The following TRPM4 variants were observed in gnomAD, a reference collection of about 807,000 sequenced individuals.
The protein encoded by TRPM4 is transient receptor potential cation channel subfamily M member 4.
A neutral mutation model predicts 135.6 loss-of-function variants in TRPM4; 124 were observed. That is an observed-to-expected ratio of 0.91 (90% CI 0.79 to 1.06). The LOEUF (loss-of-function observed/expected upper bound fraction) is 1.06, where lower values mean the gene tolerates loss of function less well. Among genes scored for constraint, TRPM4 ranks in the 50% least tolerant of loss-of-function variants. The pLI is 0.00. For synonymous variants in TRPM4, 745 were observed against 705.6 expected (o/e 1.06, Z -0.88); for missense variants, 1,658 against 1,671.4 (o/e 0.99, Z 0.14).
chr19:49,171,935 C>T lies in TRPM4; in HGVS notation c.1051-74C>T, dbSNP rs968154376. ...GGTCCTGGAGGGGAATGGCCTCCTC[C>T]ATCCCTTTGGACAGGGCCCAACAGG... is the stretch of plus-strand genomic sequence containing the variant. On this transcript the variant is annotated intron_variant, in intron 8 of 24. Transcript: ENST00000252826. This position sits in a 1 kb window ranked among gnomAD's most constrained non-coding sequence, Gnocchi z 4.7. The T allele has an allele frequency of 2.5e-5, 35 of 1,425,372 alleles. No homozygotes were observed. Among genetic ancestry groups the T allele is most frequent in the African/African-American group, 5.6e-5 (4 of 70,980 alleles). The allele number at this position is 1,425,372 out of a possible 1,614,324, so 88.3% of individuals were successfully genotyped here. A position where few individuals can be genotyped will look rare whatever the true frequency, so the allele number is the denominator to read the frequency against.
rs761801567 is a variant in TRPM4, at chr19:49,211,510, G to C, written c.*12G>C. The C allele has an allele frequency of 6.2e-7, 1 of 1,613,960 alleles. No homozygotes were observed. The highest frequency in any genetic ancestry group is 2.2e-5 in the East Asian group (1 of 44,876). ...TTCCCCCAGACTGAGCCCTGCTGGC[G>C]GACTTCAAGGAGAAGCCCCCACAGG... On this transcript the variant is annotated 3_prime_UTR_variant, in exon 25 of 25. Coordinates refer to ENST00000252826, the MANE Select transcript of TRPM4 (RefSeq NM_017636.4). This position sits in a 1 kb window ranked among gnomAD's most constrained non-coding sequence, Gnocchi z 4.8.
rs1472609688 is a variant in TRPM4 at position 49,196,812 on chromosome 19, C to G, written c.2583C>G (p.Ala861=). The G allele has an allele frequency of 1.3e-6, 2 of 1,588,662 alleles. No individual in the cohort carries two copies. The highest frequency in any genetic ancestry group is 1.7e-4 in the Middle Eastern group (1 of 5,766). The change falls in exon 17 of 25, where the codon GCC becomes GCG. Residue 861 remains alanine (A), a synonymous_variant. Transcript: ENST00000252826. ...SLSQRLRLYL[A]DSWNQCDLVA... The stretch of plus-strand genomic sequence containing the variant: ...GCCAGCGCCTGCGCCTCTACCTCGC[C>G]GACAGCTGGAACCAGTGCGACCTAG...
chr19:49,211,450 C>T lies in TRPM4; in HGVS notation c.3641-44C>T, dbSNP rs201501124. 646 of 1,613,640 alleles carry T rather than the reference C, an allele frequency of 4.0e-4. No homozygotes were observed. Among genetic ancestry groups the T allele is most frequent in the Non-Finnish European group, 5.0e-4 (588 of 1,180,018 alleles). ...GTCTCCCAGTTTTTCTGTCTCTCCC[C>T]TTCCCTGCCAATCACCTGCTCTCTC... On this transcript the variant is annotated intron_variant, in intron 24 of 24. Coordinates refer to ENST00000252826, the MANE Select transcript of TRPM4 (RefSeq NM_017636.4). This position sits in a 1 kb window ranked among gnomAD's most constrained non-coding sequence, Gnocchi z 4.8.
Position 49,211,142 on chromosome 19 carries a change from TG to T in TRPM4, c.3535-21del, listed in dbSNP as rs1225859501. On this transcript the variant is annotated intron_variant, in intron 23 of 24. Transcript: ENST00000252826. This position sits in a 1 kb window ranked among gnomAD's most constrained non-coding sequence, Gnocchi z 4.8. Reference sequence around the variant, plus strand: ...GTGGCAGGGGTCCCATCTCCCGCTCTGACATTCCTCCCATTCCGCAGGTCCA... The same window carrying T: ...GTGGCAGGGGTCCCATCTCCCGCTCTACATTCCTCCCATTCCGCAGGTCCA... 1 of 1,609,642 alleles carries T rather than the reference TG, an allele frequency of 6.2e-7. No individual in the cohort carries two copies. Among genetic ancestry groups the T allele is most frequent in the Admixed American group, 1.7e-5 (1 of 59,194 alleles).
Position 49,188,941 on chromosome 19 carries a change from C to T in TRPM4, c.1874-5C>T, listed in dbSNP as rs769140154. The T allele has an allele frequency of 6.2e-7, 1 of 1,614,136 alleles. No individual in the cohort carries two copies. The highest frequency in any genetic ancestry group is 1.1e-5 in the South Asian group (1 of 91,086). ...CCTGTCACATAACTAACTCCTCTGC[C>T]CCAGACCTCTTTGGCGAGTGCTATC... On this transcript the variant is annotated splice_region_variant and splice_polypyrimidine_tract_variant and intron_variant, in intron 13 of 24. Coordinates refer to ENST00000252826, the MANE Select transcript of TRPM4 (RefSeq NM_017636.4).
intron 2 of TRPM4, chr19:49,158,557 T>A (rs1600380488): frequency 2.3e-6 from 1 of 439,124 alleles, no homozygotes; most frequent in East Asian, 4.1e-5. Context: ...TTTCTGTGTC[T>A]CTGTCTTTCC....
intron 17 of TRPM4, among the ~76,000 whole-genome samples, chr19:49,199,450 G>A (rs1187690837): frequency 2.6e-5 from 4 of 152,054 alleles, no homozygotes; most frequent in Non-Finnish European, 5.9e-5. Flanking sequence ...TAGTAGAGAC[G>A]GGGTTTCACC....
At position 49,171,230 on chromosome 19, in the gene TRPM4, C is replaced by T. The variant is rs1967439556; in HGVS notation, c.797-127C>T. 3.0e-6 allele frequency: 3 copies of T among 987,462 alleles called. No individual in the cohort carries two copies. The highest frequency in any genetic ancestry group is 3.8e-5 in the Admixed American group (2 of 52,554). The allele number at this position is 987,462 out of a possible 1,614,324, so 61.2% of individuals were successfully genotyped here. A position where few individuals can be genotyped will look rare whatever the true frequency, so the allele number is the denominator to read the frequency against. On this transcript the variant is annotated intron_variant, in intron 6 of 24. Transcript: ENST00000252826. The surrounding 1 kb of genome is among the most constrained non-coding windows in gnomAD (Gnocchi z 4.7). ...TAAGTAAAAAAAGAAATGACAATTC[C>T]AATGAGCCTCTGAACAGAAGATTAG...
At chr19:49,158,090 T>C in intron 1 of TRPM4, 102 bp from the exon 2 acceptor site, 1 of 1,342,676 alleles carries the variant, frequency 7.4e-7, no homozygotes, top group Non-Finnish European at 1.1e-6. Context: ...CGGACTCCTG[T>C]GTCCGTGGGG....
intron 17 of TRPM4, among the ~76,000 whole-genome samples, chr19:49,199,559 AC>A (rs1968836638): frequency 6.6e-6 from 1 of 151,294 alleles, no homozygotes; most frequent in Non-Finnish European, 1.5e-5. Flanking sequence ...GCGACCGGCC[AC>A]CCTCCCGTTT....
At chr19:49,198,937 A>C (rs927203295) in intron 17 of TRPM4, among the ~76,000 whole-genome samples, 2 of 152,046 alleles carry the variant, frequency 1.3e-5, no homozygotes, top group Non-Finnish European at 2.9e-5. Context: ...AAAAGTTTAC[A>C]TCCCAGATGT....
At chr19:49,184,193 T>C (rs1968109668) in intron 12 of TRPM4, among the ~76,000 whole-genome samples, 1 of 152,132 alleles carries the variant, frequency 6.6e-6, no homozygotes, top group African/African-American at 2.4e-5. Flanking sequence ...TCTCTTTTCC[T>C]TTTGGACTCT....
chr19:49,179,400 G>A (rs1825575651), intron 9 of TRPM4, among the ~76,000 whole-genome samples: 1 of 151,042 alleles, frequency 6.6e-6, no homozygotes, highest in South Asian at 2.1e-4. Flanking sequence ...ACCCAGGCTG[G>A]AATGCAGTGA....
chr19:49,171,871 G>T lies in TRPM4; in HGVS notation c.1050+102G>T. ...GAGGGGCTGGGGGCCTGGACTTCCA[G>T]GTTCCGGGAGAAGAGGGTGCTGGGC... On this transcript the variant is annotated intron_variant, in intron 8 of 24. Transcript: ENST00000252826. The surrounding 1 kb of genome is among the most constrained non-coding windows in gnomAD (Gnocchi z 4.7). The T allele has an allele frequency of 7.0e-7, 1 of 1,431,442 alleles. No homozygotes were observed. The highest frequency in any genetic ancestry group is 9.7e-7 in the Non-Finnish European group (1 of 1,027,986). 88.7% of individuals were successfully genotyped at this position (1,431,442 alleles called of 1,614,324 possible). A position where few individuals can be genotyped will look rare whatever the true frequency, so the allele number is the denominator to read the frequency against.
Position 49,171,223 on chromosome 19 carries a change from A to G in TRPM4, c.797-134A>G. On this transcript the variant is annotated intron_variant, in intron 6 of 24. Coordinates refer to ENST00000252826, the MANE Select transcript of TRPM4 (RefSeq NM_017636.4). This position sits in a 1 kb window ranked among gnomAD's most constrained non-coding sequence, Gnocchi z 4.7. ...ACATAATTAAGTAAAAAAAGAAATGACAATTCCAATGAGCCTCTGAACAGA... is the reference window on the plus strand; with the variant it reads ...ACATAATTAAGTAAAAAAAGAAATGGCAATTCCAATGAGCCTCTGAACAGA... 1 of 945,064 alleles carries G rather than the reference A, an allele frequency of 1.1e-6. No homozygotes were observed. Among genetic ancestry groups the G allele is most frequent in the Non-Finnish European group, 1.7e-6 (1 of 592,474 alleles). 58.5% of individuals were successfully genotyped at this position (945,064 alleles called of 1,614,324 possible). A position where few individuals can be genotyped will look rare whatever the true frequency, so the allele number is the denominator to read the frequency against.
chr19:49,186,799 G>A lies in TRPM4; in HGVS notation c.1744-1842G>A, dbSNP rs367696132. Reference sequence around the variant, plus strand: ...GAGGCAGGAGAATTGCTTGAACCTCGGAGGCAGAGGTTGTGGTGGGCTGAG... The same window carrying A: ...GAGGCAGGAGAATTGCTTGAACCTCAGAGGCAGAGGTTGTGGTGGGCTGAG... On this transcript the variant is annotated intron_variant, in intron 12 of 24. Transcript: ENST00000252826. Among the ~76,000 whole-genome samples, 33 of 152,076 alleles carry A rather than the reference G, an allele frequency of 2.2e-4. No homozygotes were observed. In the East Asian group the frequency reaches 5.8e-3, roughly 27 times the overall value.
At position 49,196,792 on chromosome 19, in the gene TRPM4, C is replaced by T. The variant is rs762477533; in HGVS notation, c.2563C>T (p.Arg855Cys). 18 of 1,578,358 alleles carry T rather than the reference C, an allele frequency of 1.1e-5. No homozygotes were observed. The highest frequency in any genetic ancestry group is 1.5e-5 in the Non-Finnish European group (18 of 1,170,018). The change falls in exon 17 of 25, where the codon CGC becomes TGC. Residue 855 changes from arginine (R) to cysteine (C), a missense_variant. Transcript: ENST00000252826. ...GCCTGGCCATGCCTCACTGAGCCAG[C>T]GCCTGCGCCTCTACCTCGCCGACAG... is the stretch of plus-strand genomic sequence containing the variant. Reference protein sequence around the residue: ...PGPGHASLSQRLRLYLADSWN... With the variant: ...PGPGHASLSQCLRLYLADSWN...
chr19:49,206,883 C>G (rs2145987289), intron 20 of TRPM4, among the ~76,000 whole-genome samples: 1 of 152,282 alleles, frequency 6.6e-6, no homozygotes. Context: ...TTTTGGTTAA[C>G]TTTATTCCTA....
chr19:49,207,707 G>A lies in TRPM4; in HGVS notation c.3132-2502G>A, dbSNP rs532102252. On this transcript the variant is annotated intron_variant, in intron 20 of 24. Transcript: ENST00000252826. ...TGCAATCCCAGCACTTTGGGAGGCC[G>A]AGGTGGGCAGATCATGAGGTCAGGA... Among the ~76,000 whole-genome samples, 25 of 150,642 alleles carry A rather than the reference G, an allele frequency of 1.7e-4. 1 individual carries two copies. The South Asian group carries it at 4.6e-3, about 28-fold the overall frequency.
Sources: allele counts gnomAD v4.1 joint callset (sites outside exome capture counted in the v4.1 genomes callset), GRCh38; gene constraint gnomAD v4.1.1; non-coding constraint Gnocchi (gnomAD v3.1); transcripts MANE v1.5; gene names NCBI Gene and HGNC (gene_info 2026-07-23, HGNC 2026-07-21).